The following ZDHHC17 variants were observed in gnomAD, a reference collection of about 807,000 sequenced individuals.
The protein encoded by ZDHHC17 is zDHHC palmitoyltransferase 17, also known as palmitoyltransferase ZDHHC17.
In ZDHHC17, 40 loss-of-function variants were observed where a neutral mutation model predicts 90.3. The observed-to-expected ratio is 0.44, with a 90% CI of 0.34 to 0.58. ZDHHC17 has a LOEUF of 0.58. Ranked by LOEUF, ZDHHC17 falls within the 20% of genes least tolerant of loss-of-function variation. The pLI, the probability that ZDHHC17 is intolerant of heterozygous loss-of-function variation, is 0.01. For synonymous variants in ZDHHC17, 235 were observed against 252.4 expected, an observed-to-expected ratio of 0.93 and a Z score of 0.65; for missense variants, 614 against 780.8, an observed-to-expected ratio of 0.79 and a Z score of 2.55.
chr12:76,827,303 T>C (rs1030148485), intron 9 of ZDHHC17, among the ~76,000 whole-genome samples: 5 of 152,268 alleles, frequency 3.3e-5, no homozygotes, highest in Middle Eastern at 3.4e-3. Flanking sequence ...TTGAAATATT[T>C]CAGTAAAAGT....
At chr12:76,787,653 G>T (rs1952705690) in intron 1 of ZDHHC17, among the ~76,000 whole-genome samples, 1 of 151,926 alleles carries the variant, frequency 6.6e-6, no homozygotes, top group South Asian at 2.1e-4. Flanking sequence ...TCTCTTGTGT[G>T]TGTGTGCGCG....
At chr12:76,791,493 T>C (rs1952759074) in intron 1 of ZDHHC17, among the ~76,000 whole-genome samples, 1 of 152,146 alleles carries the variant, frequency 6.6e-6, no homozygotes, top group Admixed American at 6.5e-5. Context: ...ATGCTTTTTG[T>C]TTTATTTTGT....
At chr12:76,804,323 TA>T (rs1185486545) in intron 2 of ZDHHC17, among the ~76,000 whole-genome samples, 2 of 152,220 alleles carry the variant, frequency 1.3e-5, no homozygotes, top group African/African-American at 4.8e-5. Flanking sequence ...AACCTGCTAC[TA>T]TTAAAAACCA....
chr12:76,805,292 A>C, intron 2 of ZDHHC17, 25 bp from the exon 3 acceptor site: 1 of 1,555,670 alleles, frequency 6.4e-7, no homozygotes, highest in Non-Finnish European at 8.8e-7. Flanking sequence ...AATAATAACA[A>C]TGCCATATTT....
chr12:76,796,957 G>A (rs1952826430), intron 1 of ZDHHC17, among the ~76,000 whole-genome samples: 1 of 150,608 alleles, frequency 6.6e-6, no homozygotes, highest in Non-Finnish European at 1.5e-5. Context: ...CTTTGAACAA[G>A]CTTTTTCCCT....
At chr12:76,832,800 A>G (rs1953319862) in intron 10 of ZDHHC17, among the ~76,000 whole-genome samples, 2 of 152,206 alleles carry the variant, frequency 1.3e-5, no homozygotes, top group African/African-American at 4.8e-5. Context: ...CCCTAAATAG[A>G]CCATGTAAAG....
intron 7 of ZDHHC17, among the ~76,000 whole-genome samples, chr12:76,820,556 T>G (rs1158092937): frequency 6.6e-6 from 1 of 152,182 alleles, no homozygotes; most frequent in Non-Finnish European, 1.5e-5. Context: ...GTTTTTAGCT[T>G]GTACAGAATA....
At chr12:76,776,790 A>G (rs755715416) in intron 1 of ZDHHC17, among the ~76,000 whole-genome samples, 4 of 152,226 alleles carry the variant, frequency 2.6e-5, no homozygotes, top group Non-Finnish European at 5.9e-5. Context: ...TCAATAATCT[A>G]TATACAGAAA....
chr12:76,813,539 A>G (rs755017240), intron 5 of ZDHHC17: 28 of 288,506 alleles, frequency 9.7e-5, no homozygotes, highest in Non-Finnish European at 1.8e-4. Flanking sequence ...ATGCTTAGAT[A>G]ATGTTCACAT....
At chr12:76,810,735 T>TA (rs1347429444) in intron 5 of ZDHHC17, among the ~76,000 whole-genome samples, 1 of 152,150 alleles carries the variant, frequency 6.6e-6, no homozygotes, top group Non-Finnish European at 1.5e-5. Flanking sequence ...GTTACTGTGT[T>TA]AAAAAACTAC....
chr12:76,801,446 G>C (rs1952888702), intron 2 of ZDHHC17, among the ~76,000 whole-genome samples: 1 of 151,728 alleles, frequency 6.6e-6, no homozygotes, highest in African/African-American at 2.4e-5. Context: ...AAGGTCAGGA[G>C]ATCGAGACCA....
chr12:76,764,145 G>T lies in ZDHHC17; in HGVS notation c.-92G>T. ...GGGGGCAGGAGAAGAAGGAGGAGGA[G>T]GCCCGCGTCGCCTCCGGCGGGGCTC... is the stretch of plus-strand genomic sequence containing the variant. On this transcript the variant is annotated 5_prime_UTR_variant, in exon 1 of 17. In the 5' UTR this introduces an upstream ATG that the reference lacks. Coordinates refer to ENST00000426126, the MANE Select transcript of ZDHHC17 (RefSeq NM_015336.4). 1 of 999,868 alleles carries T rather than the reference G, an allele frequency of 1.0e-6. No individual in the cohort carries two copies. Among genetic ancestry groups the T allele is most frequent in the African/African-American group, 1.7e-5 (1 of 59,428 alleles). 61.9% of individuals were successfully genotyped at this position (999,868 alleles called of 1,614,324 possible). A position where few individuals can be genotyped will look rare whatever the true frequency, so the allele number is the denominator to read the frequency against.
chr12:76,828,086 C>G (rs990348147), intron 9 of ZDHHC17, among the ~76,000 whole-genome samples: 2 of 152,000 alleles, frequency 1.3e-5, no homozygotes, highest in African/African-American at 4.8e-5. Context: ...ATGATAGCTA[C>G]TATATATACT....
Position 76,829,002 on chromosome 12 carries a change from G to A in ZDHHC17, c.1141+512G>A, listed in dbSNP as rs77308882. Among the ~76,000 whole-genome samples, 164 of 152,220 alleles carry A rather than the reference G, an allele frequency of 1.1e-3. 3 individuals carry two copies. The East Asian group carries it at 0.03, about 27-fold the overall frequency. ...GGACATCACTAATCATCAGAGAAAT[G>A]CAAATTAAAACTACAATTTCACACC... On this transcript the variant is annotated intron_variant, in intron 10 of 16. Coordinates refer to ENST00000426126, the MANE Select transcript of ZDHHC17 (RefSeq NM_015336.4).
intron 1 of ZDHHC17, among the ~76,000 whole-genome samples, chr12:76,774,233 G>A (rs181250042): frequency 7.0e-6 from 1 of 143,516 alleles, no homozygotes; most frequent in Non-Finnish European, 1.5e-5. Flanking sequence ...CTGGATGACA[G>A]AGTGAGACCC....
rs188206795 is a variant in ZDHHC17, at chr12:76,806,442, A to T, written c.320+1003A>T. On this transcript the variant is annotated intron_variant, in intron 3 of 16. Transcript: ENST00000426126. ...TATAGGCGGGTGCCAATAGTAAATG[A>T]CGTATAGAGTGATTCAAGGACCAGA... 2.3e-3 allele frequency among the ~76,000 whole-genome samples: 355 copies of T among 152,034 alleles called. 1 individual carries two copies. Among genetic ancestry groups the T allele is most frequent in the African/African-American group, 8.0e-3 (331 of 41,466 alleles).
At chr12:76,802,350 C>T (rs758443209) in intron 2 of ZDHHC17, among the ~76,000 whole-genome samples, 11 of 152,240 alleles carry the variant, frequency 7.2e-5, no homozygotes, top group Non-Finnish European at 1.5e-4. Context: ...TGACCAGTTG[C>T]CTCTCTCTCG....
intron 13 of ZDHHC17, among the ~76,000 whole-genome samples, chr12:76,846,045 A>T (rs1049614583): frequency 6.6e-6 from 1 of 150,810 alleles, no homozygotes; most frequent in Non-Finnish European, 1.5e-5. Flanking sequence ...AGGAGGCAAA[A>T]TTTTTTTTTT....
At chr12:76,844,792 C>T (rs1332234276) in intron 12 of ZDHHC17, 2 of 152,092 alleles carry the variant, frequency 1.3e-5, no homozygotes. Flanking sequence ...GGAGAAATGG[C>T]AGTGCTTTTG....
Sources: gnomAD v4.1 joint callset for allele counts (sites outside exome capture counted in the v4.1 genomes callset) on GRCh38, gnomAD v4.1.1 for gene constraint, MANE v1.5 for transcripts, NCBI Gene and HGNC (gene_info 2026-07-23, HGNC 2026-07-21) for gene names.